RBMS3: variants seen among roughly 807,000 people sequenced by gnomAD.
RBMS3 encodes RNA-binding motif, single-stranded-interacting protein 3.
A neutral mutation model predicts 66.8 loss-of-function variants in RBMS3; 27 were observed. The ratio of observed to expected loss-of-function variants is 0.40; its 90% CI spans 0.30 to 0.56. The LOEUF is 0.56. Among genes scored for constraint, RBMS3 ranks in the 20% least tolerant of loss-of-function variants. The pLI is 0.40. For missense variants in RBMS3, 513 were observed against 549.5 expected (o/e 0.93, Z 0.66); for synonymous variants, 188 against 183.0 (o/e 1.03, Z -0.22).
chr3:29,479,726 C>T (rs948842164), intron 2 of RBMS3, among the ~76,000 whole-genome samples: 2 of 152,138 alleles, frequency 1.3e-5, no homozygotes, highest in Non-Finnish European at 2.9e-5. Flanking sequence ...CAGGCTCAGT[C>T]AGCTTGGAAA....
chr3:29,507,257 T>A (rs2044217607), intron 3 of RBMS3, among the ~76,000 whole-genome samples: 1 of 151,966 alleles, frequency 6.6e-6, no homozygotes, highest in Non-Finnish European at 1.5e-5. Flanking sequence ...ACTCTTTAGG[T>A]ACATACACTA....
At chr3:29,849,225 G>T (rs898907365) in intron 6 of RBMS3, among the ~76,000 whole-genome samples, 21 of 146,648 alleles carry the variant, frequency 1.4e-4, no homozygotes, top group African/African-American at 5.1e-4. Flanking sequence ...ACATATAAAA[G>T]CAGGCCAATG....
chr3:29,299,218 C>T (rs770881130), intron 1 of RBMS3, among the ~76,000 whole-genome samples: 2 of 151,652 alleles, frequency 1.3e-5, no homozygotes, highest in Non-Finnish European at 2.9e-5. Flanking sequence ...AAAGTAGAAA[C>T]ATAATACAGG....
At chr3:29,505,076 C>T (rs937501590) in intron 3 of RBMS3, among the ~76,000 whole-genome samples, 3 of 152,032 alleles carry the variant, frequency 2.0e-5, no homozygotes, top group Non-Finnish European at 4.4e-5. Context: ...TCCCATTCAT[C>T]CATTTTCACT....
intron 14 of RBMS3, among the ~76,000 whole-genome samples, chr3:29,995,067 G>A (rs1168343154): frequency 2.0e-5 from 3 of 152,210 alleles, no homozygotes; most frequent in Non-Finnish European, 4.4e-5. Context: ...CCAATACAGG[G>A]AAGTGCTTAA....
At chr3:29,868,782 C>A in intron 6 of RBMS3, 76 bp from the exon 7 acceptor site, 1 of 1,218,554 alleles carries the variant, frequency 8.2e-7, no homozygotes, top group Non-Finnish European at 1.2e-6. Context: ...CATTACAAAG[C>A]ACTACTGTGA....
intron 13 of RBMS3, 64 bp downstream of exon 13, chr3:29,988,287 TC>T: frequency 7.3e-7 from 1 of 1,373,736 alleles, no homozygotes. Flanking sequence ...TATACTGTAG[TC>T]CCCCATAACC....
intron 6 of RBMS3, among the ~76,000 whole-genome samples, chr3:29,795,839 AATAGG>A (rs1285929969): frequency 6.6e-6 from 1 of 152,204 alleles, no homozygotes; most frequent in Non-Finnish European, 1.5e-5. Context: ...TTAATTGAAA[AATAGG>A]AATTAATGGA....
chr3:29,415,209 G>C (rs1575753293), intron 1 of RBMS3, among the ~76,000 whole-genome samples: 2 of 152,166 alleles, frequency 1.3e-5, no homozygotes, highest in South Asian at 4.1e-4. Flanking sequence ...TGTTTAGACA[G>C]AAAACAAGCA....
rs192779048 is a variant in RBMS3, at chr3:29,729,950, A to G, written c.400-9770A>G. Among the ~76,000 whole-genome samples, 51 of 152,240 alleles carry G rather than the reference A, an allele frequency of 3.3e-4. No individual in the cohort carries two copies. The East Asian group carries it at 7.0e-3, about 21-fold the overall frequency. On this transcript the variant is annotated intron_variant, in intron 4 of 14. Coordinates refer to ENST00000383767, the MANE Select transcript of RBMS3 (RefSeq NM_001003793.3). Reference sequence around the variant, plus strand: ...ACCTCAAGGGCTAAGGAATATAAACATAATGAATTTAAATGATTTTAAAGC... The same window carrying G: ...ACCTCAAGGGCTAAGGAATATAAACGTAATGAATTTAAATGATTTTAAAGC...
chr3:30,005,063 C>T lies in RBMS3; in HGVS notation c.*1201C>T, dbSNP rs892265526. ...CCAAAGATGAAGTGACACCCTATTA[C>T]AGTCCAGAAGATAGAGGTTGTTTTC... On this transcript the variant is annotated 3_prime_UTR_variant, in exon 15 of 15. Coordinates refer to ENST00000383767, the MANE Select transcript of RBMS3 (RefSeq NM_001003793.3). 6.6e-6 allele frequency: 1 copy of T among 151,102 alleles called. No individual in the cohort carries two copies. The highest frequency in any genetic ancestry group is 2.4e-5 in the African/African-American group (1 of 41,032). The allele number at this position is 151,102 out of a possible 1,614,324, so 9.4% of individuals were successfully genotyped here.
intron 12 of RBMS3, among the ~76,000 whole-genome samples, chr3:29,953,793 A>C (rs1165850086): frequency 2.0e-5 from 3 of 151,856 alleles, no homozygotes; most frequent in Non-Finnish European, 2.9e-5. Flanking sequence ...CAGCTGTTTT[A>C]ACCTTTTTCA....
intron 4 of RBMS3, among the ~76,000 whole-genome samples, chr3:29,737,015 C>T (rs143822383): frequency 0.011 from 1,596 of 151,838 alleles, 34 homozygotes; most frequent in African/African-American, 0.037. Context: ...CTCTCGCTGT[C>T]GCCCAGGCTG....
At chr3:29,381,221 T>C (rs1201829773) in intron 1 of RBMS3, among the ~76,000 whole-genome samples, 1 of 152,182 alleles carries the variant, frequency 6.6e-6, no homozygotes, top group East Asian at 1.9e-4. Context: ...CATAGTATGA[T>C]AGTCACTTTC....
At chr3:29,467,914 A>G (rs1255099778) in intron 2 of RBMS3, among the ~76,000 whole-genome samples, 1 of 152,196 alleles carries the variant, frequency 6.6e-6, no homozygotes, top group Admixed American at 6.5e-5. Flanking sequence ...TTCCAAAAAT[A>G]TGTAAAAATA....
At chr3:29,994,698 C>T (rs904127726) in intron 14 of RBMS3, among the ~76,000 whole-genome samples, 3 of 152,206 alleles carry the variant, frequency 2.0e-5, no homozygotes, top group African/African-American at 7.2e-5. Flanking sequence ...TCCAACAGAC[C>T]TGCAGCTGAG....
intron 5 of RBMS3, among the ~76,000 whole-genome samples, chr3:29,741,110 G>A (rs934263904): frequency 4.0e-5 from 6 of 151,396 alleles, no homozygotes; most frequent in East Asian, 3.9e-4. Context: ...ATAACAAATC[G>A]TCATGTATAT....
At chr3:29,599,162 T>TG (rs2048062480) in intron 4 of RBMS3, among the ~76,000 whole-genome samples, 1 of 151,600 alleles carries the variant, frequency 6.6e-6, no homozygotes, top group African/African-American at 2.4e-5. Context: ...AGATTTTTTT[T>TG]TTTTTTGGTA....
chr3:29,518,725 G>A (rs946620891), intron 3 of RBMS3, among the ~76,000 whole-genome samples: 1 of 152,140 alleles, frequency 6.6e-6, no homozygotes, highest in African/African-American at 2.4e-5. Context: ...TTTGCAATTT[G>A]CTGAAGGCAG....
Sources: allele counts gnomAD v4.1 joint callset (sites outside exome capture counted in the v4.1 genomes callset), GRCh38; gene constraint gnomAD v4.1.1; transcripts MANE v1.5; gene names NCBI Gene and HGNC (gene_info 2026-07-23, HGNC 2026-07-21).